The following ACOT11 variants were observed in gnomAD, a reference collection of about 807,000 sequenced individuals.
ACOT11 encodes the protein acyl-coenzyme A thioesterase 11.
ACOT11 carries 69 observed loss-of-function variants against 77.5 expected under a neutral mutation model. The observed-to-expected ratio is 0.89, with a 90% confidence interval of 0.73 to 1.09. The LOEUF is 1.09. Ranked by LOEUF, ACOT11 falls within the 50% of genes least tolerant of loss-of-function variation. The pLI is 0.00. For missense variants in ACOT11, 766 were observed against 813.7 expected, an observed-to-expected ratio of 0.94 and a Z score of 0.71; for synonymous variants, 279 against 313.0, an observed-to-expected ratio of 0.89 and a Z score of 1.15.
At chr1:54,561,409 A>G (rs1315244601) in intron 1 of ACOT11, among the ~76,000 whole-genome samples, 4 of 104,460 alleles carry the variant, frequency 3.8e-5, no homozygotes, top group African/African-American at 8.5e-5. Context: ...CAGAGAGCAC[A>G]GGGTTGGGGG....
chr1:54,550,173 T>TA (rs1339062207), intron 1 of ACOT11, among the ~76,000 whole-genome samples: 1 of 152,160 alleles, frequency 6.6e-6, no homozygotes, highest in Non-Finnish European at 1.5e-5. Context: ...TCTGAGCTCT[T>TA]AAGGAGCCTG....
At position 54,584,477 on chromosome 1, in the gene ACOT11, C is replaced by T. The variant is rs990431577; in HGVS notation, c.34-178C>T. Among the ~76,000 whole-genome samples, 4 of 152,172 alleles carry T rather than the reference C, an allele frequency of 2.6e-5. No homozygotes were observed. The highest frequency in any genetic ancestry group is 6.5e-5 in the Admixed American group (1 of 15,276). ...GGGCAGAAGCAGCAATCACAGATATCCTGGGGTCCGAGACCACGGGCTGGA... is the reference window on the plus strand; with the variant it reads ...GGGCAGAAGCAGCAATCACAGATATTCTGGGGTCCGAGACCACGGGCTGGA... On this transcript the variant is annotated intron_variant, in intron 1 of 15. Coordinates refer to ENST00000343744, the MANE Select transcript of ACOT11 (RefSeq NM_147161.4). This position sits in a 1 kb window ranked among gnomAD's most constrained non-coding sequence, Gnocchi z 6.3.
chr1:54,572,836 A>G, intron 1 of ACOT11: 3 of 743,594 alleles, frequency 4.0e-6, no homozygotes, highest in Non-Finnish European at 4.9e-6. Context: ...CATGCTGGAC[A>G]GCCACCAGAG....
At position 54,599,347 on chromosome 1, in the gene ACOT11, C is replaced by G; in HGVS notation, c.816C>G (p.Phe272Leu). Residue 272 changes from phenylalanine to leucine, a missense_variant, in exon 8 of 16, where the codon TTC (phenylalanine) becomes TTG (leucine). Phe to Leu is a conservative substitution (Grantham distance 22). Transcript: ENST00000343744. Reference sequence around the variant, plus strand: ...TGAAGGCCATTGAAATGTTCCACTTCCGAGGCCCGTCCCAGGTCGGCGACC... The same window carrying G: ...TGAAGGCCATTGAAATGTTCCACTTGCGAGGCCCGTCCCAGGTCGGCGACC... Reference protein sequence around the residue: ...PTLKAIEMFHFRGPSQVGDRL... With the variant: ...PTLKAIEMFHLRGPSQVGDRL... 1 of 1,609,636 alleles carries G rather than the reference C, an allele frequency of 6.2e-7. No homozygotes were observed. Among genetic ancestry groups the G allele is most frequent in the Non-Finnish European group, 8.5e-7 (1 of 1,178,574 alleles).
intron 15 of ACOT11, chr1:54,619,770 C>A: frequency 1.5e-6 from 2 of 1,333,018 alleles, no homozygotes; most frequent in East Asian, 4.7e-5. Flanking sequence ...AGCCATCATG[C>A]CACCACAGTG....
At chr1:54,574,245 A>T (rs1333795440) in intron 1 of ACOT11, among the ~76,000 whole-genome samples, 3 of 152,190 alleles carry the variant, frequency 2.0e-5, no homozygotes, top group Admixed American at 6.5e-5. Flanking sequence ...GGAGGAGCTG[A>T]ACCCCGGCCC....
At chr1:54,573,795 C>T (rs979328566) in intron 1 of ACOT11, among the ~76,000 whole-genome samples, 3 of 151,970 alleles carry the variant, frequency 2.0e-5, no homozygotes, top group Non-Finnish European at 2.9e-5. Flanking sequence ...TTTGGGAGGC[C>T]GAGGCAGGTG....
intron 3 of ACOT11, among the ~76,000 whole-genome samples, chr1:54,587,149 G>A (rs79181048): frequency 0.044 from 6,684 of 152,184 alleles, 276 homozygotes; most frequent in East Asian, 0.18. Context: ...AGCCTCTTCC[G>A]CGGACCTCCC....
At chr1:54,559,354 G>T (rs937200127) in intron 1 of ACOT11, among the ~76,000 whole-genome samples, 10 of 152,184 alleles carry the variant, frequency 6.6e-5, no homozygotes, top group Admixed American at 6.5e-4. Context: ...CCTCACCTGT[G>T]CCTGGGCTGG....
intron 1 of ACOT11, among the ~76,000 whole-genome samples, chr1:54,564,387 T>G (rs1443977587): frequency 6.8e-6 from 1 of 147,948 alleles, no homozygotes; most frequent in Non-Finnish European, 1.5e-5. Flanking sequence ...AGGTTCAGGT[T>G]GCCTGCGGGG....
rs1305962849 is a variant in ACOT11, at chr1:54,610,205, G to A, written c.*1093G>A. 2.8e-6 allele frequency: 4 copies of A among 1,435,436 alleles called. No homozygotes were observed. The Admixed American group carries it at 8.6e-5, about 31-fold the overall frequency. 88.9% of individuals were successfully genotyped at this position (1,435,436 alleles called of 1,614,324 possible). A position where few individuals can be genotyped will look rare whatever the true frequency, so the allele number is the denominator to read the frequency against. On this transcript the variant is annotated 3_prime_UTR_variant, in exon 16 of 16. Coordinates refer to ENST00000343744, the MANE Select transcript of ACOT11 (RefSeq NM_147161.4). ...CGGCCTTGCCTGCAGCAATGTAGCT[G>A]AGGACTGGTCTGAAGGCCAGGAGCC...
intron 6 of ACOT11, among the ~76,000 whole-genome samples, chr1:54,596,417 A>G (rs1654900024): frequency 1.3e-5 from 2 of 152,326 alleles, no homozygotes; most frequent in East Asian, 3.9e-4. Context: ...GCATGCCAGC[A>G]TCTGCTGCCC....
chr1:54,615,929 C>T, intron 15 of ACOT11: 1 of 1,360,456 alleles, frequency 7.4e-7, no homozygotes, highest in Non-Finnish European at 1.0e-6. Context: ...CGTGTCAGGG[C>T]TGGACTTGCT....
In ACOT11 at chr1:54,584,934, G is replaced by T. The variant is rs751803192; in HGVS notation, c.241+72G>T. 8.0e-5 allele frequency: 117 copies of T among 1,467,660 alleles called. No homozygotes were observed. Among genetic ancestry groups the T allele is most frequent in the Non-Finnish European group, 1.1e-4 (115 of 1,085,168 alleles). The allele number at this position is 1,467,660 out of a possible 1,614,324, so 90.9% of individuals were successfully genotyped here. ...AGCAGGGGCCGTGCTTTCAGAGATG[G>T]TCACCGTCCACCCTAAGTGCCACAC... is the stretch of plus-strand genomic sequence containing the variant. On this transcript the variant is annotated intron_variant, in intron 2 of 15. Coordinates refer to ENST00000343744, the MANE Select transcript of ACOT11 (RefSeq NM_147161.4). This position sits in a 1 kb window ranked among gnomAD's most constrained non-coding sequence, Gnocchi z 6.3.
At chr1:54,573,669 G>T (rs1021461207) in intron 1 of ACOT11, among the ~76,000 whole-genome samples, 1 of 152,186 alleles carries the variant, frequency 6.6e-6, no homozygotes, top group Non-Finnish European at 1.5e-5. Flanking sequence ...GGAGGTGGAG[G>T]TTGCAGTGAG....
intron 15 of ACOT11, among the ~76,000 whole-genome samples, chr1:54,626,824 G>C (rs1644275154): frequency 7.4e-6 from 1 of 134,606 alleles, no homozygotes; most frequent in African/African-American, 2.5e-5. Flanking sequence ...CTTATTTAGT[G>C]TTTGTGACAC....
chr1:54,626,763 C>T (rs1293320221), intron 15 of ACOT11, among the ~76,000 whole-genome samples: 1 of 135,606 alleles, frequency 7.4e-6, no homozygotes, highest in Non-Finnish European at 1.7e-5. Context: ...TTAGTTCTTA[C>T]GGTCCATGAG....
At chr1:54,563,958 C>T (rs1247938444) in intron 1 of ACOT11, among the ~76,000 whole-genome samples, 3 of 151,478 alleles carry the variant, frequency 2.0e-5, no homozygotes, top group Non-Finnish European at 2.9e-5. Flanking sequence ...CCCAGCTACT[C>T]GGGAGGCTGA....
At chr1:54,560,504 T>C (rs1343968251) in intron 1 of ACOT11, among the ~76,000 whole-genome samples, 1 of 152,214 alleles carries the variant, frequency 6.6e-6, no homozygotes, top group East Asian at 1.9e-4. Context: ...AACTAATTAA[T>C]ATCAGTGGAC....
Sources: gnomAD v4.1 joint callset for allele counts (sites outside exome capture counted in the v4.1 genomes callset) on GRCh38, gnomAD v4.1.1 for gene constraint, Gnocchi (gnomAD v3.1) non-coding constraint, MANE v1.5 for transcripts, NCBI Gene and HGNC (gene_info 2026-07-23, HGNC 2026-07-21) for gene names.